ALG14: variants seen among roughly 807,000 people sequenced by gnomAD.
ALG14 encodes ALG14 UDP-N-acetylglucosaminyltransferase subunit, also known as UDP-N-acetylglucosamine transferase subunit ALG14.
Under a neutral mutation model 22.8 loss-of-function variants are expected in ALG14, and 17 were observed. The observed-to-expected ratio is 0.75, with a 90% CI of 0.51 to 1.12. ALG14 has a LOEUF of 1.12. Among genes scored for constraint, ALG14 ranks in the 50% most tolerant of loss-of-function variants. The pLI, the probability that ALG14 is intolerant of heterozygous loss-of-function variation, is 0.00. For missense variants in ALG14, 288 were observed against 271.8 expected, an observed-to-expected ratio of 1.06 and a Z score of -0.42; for synonymous variants, 89 against 103.7, an observed-to-expected ratio of 0.86 and a Z score of 0.86.
chr1:95,072,311 C>A lies in ALG14; in HGVS notation c.136+452G>T, dbSNP rs1387124061. On this transcript the variant is annotated intron_variant, in intron 1 of 3. Transcript: ENST00000370205. ...CCACCGCGTGTGTATTGTTCTACAG[C>A]CCGTAGATCATTGTTTTTATCCTCT... is the stretch of plus-strand genomic sequence containing the variant. Among the ~76,000 whole-genome samples, 3 of 152,152 alleles carry A rather than the reference C, an allele frequency of 2.0e-5. No individual in the cohort carries two copies. In the South Asian group the frequency reaches 6.2e-4, roughly 31 times the overall value.
chr1:95,023,271 C>G (rs1673717521), intron 3 of ALG14, among the ~76,000 whole-genome samples: 1 of 152,048 alleles, frequency 6.6e-6, no homozygotes, highest in African/African-American at 2.4e-5. Flanking sequence ...TTACAGGCAC[C>G]CACCATCATG....
rs1039646396 is a variant in ALG14 at position 94,980,373 on chromosome 1, A to G, written c.*2703T>C. On this transcript the variant is annotated 3_prime_UTR_variant, in exon 4 of 4. Transcript: ENST00000370205. The stretch of plus-strand genomic sequence containing the variant: ...GCAAGCTACTGAGACCTTTTAGGAT[A>G]GCTGGACTGTAGATAGAAATCTTCC... 1 of 152,206 alleles carries G rather than the reference A, an allele frequency of 6.6e-6. No homozygotes were observed. Among genetic ancestry groups the G allele is most frequent in the Non-Finnish European group, 1.5e-5 (1 of 68,040 alleles). The allele number at this position is 152,206 out of a possible 1,614,324, so 9.4% of individuals were successfully genotyped here.
intron 2 of ALG14, among the ~76,000 whole-genome samples, chr1:95,054,924 C>A (rs1674878761): frequency 6.6e-6 from 1 of 152,158 alleles, no homozygotes; most frequent in Admixed American, 6.5e-5. Flanking sequence ...AATATGTTTG[C>A]AAACCAAATC....
At position 94,979,294 on chromosome 1, in the gene ALG14, A is replaced by AG. The variant is rs1672454409; in HGVS notation, c.*3781_*3782insC. ...GCGATGGAGCGAGACTGTCTCGAAA[A>AG]AAAAAAAAAAAAAAAAAAAAGAAAG... On this transcript the variant is annotated 3_prime_UTR_variant, in exon 4 of 4. Coordinates refer to ENST00000370205, the MANE Select transcript of ALG14 (RefSeq NM_144988.4). The AG allele has an allele frequency of 1.4e-5, 2 of 146,436 alleles. No individual in the cohort carries two copies. Among genetic ancestry groups the AG allele is most frequent in the Non-Finnish European group, 3.0e-5 (2 of 66,858 alleles). 9.1% of individuals were successfully genotyped at this position (146,436 alleles called of 1,614,324 possible).
Position 94,991,010 on chromosome 1 carries a change from A to G in ALG14, c.421-7704T>C, listed in dbSNP as rs937370814. On this transcript the variant is annotated intron_variant, in intron 3 of 3. Coordinates refer to ENST00000370205, the MANE Select transcript of ALG14 (RefSeq NM_144988.4). The stretch of plus-strand genomic sequence containing the variant: ...AGGCTGAATAACATGGTGCTTATGC[A>G]CCAAGGCTTTGCAATCATGCAGACC... 2.0e-5 allele frequency among the ~76,000 whole-genome samples: 3 copies of G among 152,252 alleles called. No homozygotes were observed. In the East Asian group the frequency reaches 5.8e-4, roughly 29 times the overall value.
chr1:95,027,372 A>C, intron 2 of ALG14, 112 bp from the exon 3 acceptor site: 1 of 1,290,954 alleles, frequency 7.7e-7, no homozygotes, highest in South Asian at 1.4e-5. Flanking sequence ...TTAAATTTTC[A>C]TTCTAACCAC....
chr1:94,993,302 G>C (rs941419386), intron 3 of ALG14, among the ~76,000 whole-genome samples: 2 of 142,436 alleles, frequency 1.4e-5, no homozygotes, highest in Non-Finnish European at 3.1e-5. Context: ...TATATATCAG[G>C]CTCCTTCTAT....
At chr1:95,057,132 C>A (rs1018458309) in intron 2 of ALG14, among the ~76,000 whole-genome samples, 1 of 150,036 alleles carries the variant, frequency 6.7e-6, no homozygotes, top group East Asian at 2.0e-4. Context: ...AAATGTATAC[C>A]GTTTTATATA....
intron 3 of ALG14, among the ~76,000 whole-genome samples, chr1:95,005,770 T>A (rs889296144): frequency 1.3e-5 from 2 of 152,100 alleles, no homozygotes; most frequent in African/African-American, 4.8e-5. Context: ...ACAGGGGGAT[T>A]TGTGTTTGTT....
intron 3 of ALG14, among the ~76,000 whole-genome samples, chr1:94,986,804 A>G (rs866013523): frequency 7.0e-6 from 1 of 142,014 alleles, no homozygotes; most frequent in African/African-American, 2.6e-5. Context: ...TCCCACATCC[A>G]TCACCTTTTC....
intron 3 of ALG14, chr1:95,022,505 C>A (rs566860884): frequency 5.9e-6 from 2 of 339,392 alleles, no homozygotes; most frequent in East Asian, 1.7e-4. Flanking sequence ...CCTTCTGTAT[C>A]TTTAAGGAGG....
At chr1:95,047,269 C>CA (rs1409425098) in intron 2 of ALG14, among the ~76,000 whole-genome samples, 1 of 152,126 alleles carries the variant, frequency 6.6e-6, no homozygotes, top group Non-Finnish European at 1.5e-5. Flanking sequence ...GGATATAACT[C>CA]AAACTGGTAC....
At chr1:95,013,629 T>C (rs1673429292) in intron 3 of ALG14, among the ~76,000 whole-genome samples, 1 of 152,180 alleles carries the variant, frequency 6.6e-6, no homozygotes, top group Non-Finnish European at 1.5e-5. Context: ...AGTTTCCTGT[T>C]CTTTTTAATA....
chr1:95,042,223 C>G (rs1674400969), intron 2 of ALG14, among the ~76,000 whole-genome samples: 1 of 151,910 alleles, frequency 6.6e-6, no homozygotes, highest in African/African-American at 2.4e-5. Flanking sequence ...AAGCCCCCAC[C>G]CCAACACTCT....
rs548027158 is a variant in ALG14 at position 95,059,878 on chromosome 1, G to A, written c.288+4988C>T. Among the ~76,000 whole-genome samples, 388 of 152,096 alleles carry A rather than the reference G, an allele frequency of 2.6e-3. 8 individuals are homozygous for A. The highest frequency in any genetic ancestry group is 6.8e-3 in the Middle Eastern group (2 of 294). ...TACTATACTGGACAGTGCAGGTCTA[G>A]ATTGTTAATTATACTTGGCTAATAT... is the stretch of plus-strand genomic sequence containing the variant. On this transcript the variant is annotated intron_variant, in intron 2 of 3. Coordinates refer to ENST00000370205, the MANE Select transcript of ALG14 (RefSeq NM_144988.4).
chr1:95,033,402 CATATAT>C (rs752147406), intron 2 of ALG14, among the ~76,000 whole-genome samples: 7 of 138,710 alleles, frequency 5.0e-5, no homozygotes, highest in South Asian at 2.4e-4. Context: ...TACATACATA[CATATAT>C]ATATATATAT....
chr1:95,015,917 CTT>C (rs1673485064), intron 3 of ALG14, among the ~76,000 whole-genome samples: 2 of 152,154 alleles, frequency 1.3e-5, no homozygotes, highest in African/African-American at 4.8e-5. Flanking sequence ...TTATTAGCCT[CTT>C]GATTTCTGGA....
chr1:94,984,546 A>C (rs1048590955), intron 3 of ALG14, among the ~76,000 whole-genome samples: 4 of 152,164 alleles, frequency 2.6e-5, no homozygotes, highest in Admixed American at 2.6e-4. Context: ...AATCTTCCTT[A>C]TGTCTTCCTC....
intron 2 of ALG14, among the ~76,000 whole-genome samples, chr1:95,031,051 G>A (rs1423849800): frequency 6.6e-6 from 1 of 152,206 alleles, no homozygotes; most frequent in African/African-American, 2.4e-5. Flanking sequence ...TGGGAGGGGA[G>A]TCTTGGTTCC....
Sources: allele counts gnomAD v4.1 joint callset (sites outside exome capture counted in the v4.1 genomes callset), GRCh38; gene constraint gnomAD v4.1.1; transcripts MANE v1.5; gene names NCBI Gene and HGNC (gene_info 2026-07-23, HGNC 2026-07-21).